The following RXFP2 variants were observed in gnomAD, a reference collection of about 807,000 sequenced individuals.
The protein encoded by RXFP2 is relaxin receptor 2.
RXFP2 carries 68 observed loss-of-function variants against 88.6 expected under a neutral mutation model. The observed-to-expected ratio is 0.77, with a 90% CI of 0.63 to 0.94. RXFP2 has a LOEUF of 0.94. Ranked by LOEUF, RXFP2 falls within the 40% of genes least tolerant of loss-of-function variation. The pLI is 0.00. For synonymous variants in RXFP2, 329 were observed against 306.8 expected, an observed-to-expected ratio of 1.07 and a Z score of -0.76; for missense variants, 791 against 893.9, an observed-to-expected ratio of 0.88 and a Z score of 1.47.
intron 11 of RXFP2, 59 bp from the exon 12 acceptor site, chr13:31,786,324 T>C: frequency 8.8e-7 from 1 of 1,130,444 alleles, no homozygotes; most frequent in Non-Finnish European, 1.4e-6. Flanking sequence ...TTGTGAGGAG[T>C]AATAAGTCTG....
intron 16 of RXFP2, among the ~76,000 whole-genome samples, chr13:31,793,784 T>C (rs1314859792): frequency 6.6e-6 from 1 of 152,232 alleles, no homozygotes; most frequent in African/African-American, 2.4e-5. Flanking sequence ...TGACTCTCTC[T>C]TCTAATCTTT....
rs547411056 is a variant in RXFP2 at position 31,747,244 on chromosome 13, C to T, written c.94+7538C>T. ...GACCCGATTCTCAAAATTATATGGG[C>T]CACCTTACCCCATCCTACATAGATT... On this transcript the variant is annotated intron_variant, in intron 1 of 17. Coordinates refer to ENST00000298386, the MANE Select transcript of RXFP2 (RefSeq NM_130806.5). Among the ~76,000 whole-genome samples the T allele has an allele frequency of 2.6e-5, 4 of 152,144 alleles. No individual in the cohort carries two copies. In the Middle Eastern group the frequency reaches 0.014, roughly 517 times the overall value.
intron 1 of RXFP2, among the ~76,000 whole-genome samples, chr13:31,748,550 A>G (rs1871521911): frequency 6.6e-6 from 1 of 152,130 alleles, no homozygotes; most frequent in Admixed American, 6.5e-5. Context: ...TACCTATTCA[A>G]GTCTCTTGCC....
At chr13:31,794,368 C>CCACACACACACA (rs56077729) in intron 16 of RXFP2, among the ~76,000 whole-genome samples, 1 of 145,890 alleles carries the variant, frequency 6.9e-6, no homozygotes, top group African/African-American at 2.6e-5. Flanking sequence ...GAAACACACA[C>CCACACACACACA]CACACACACA....
chr13:31,790,904 G>C (rs1669181231), intron 14 of RXFP2, among the ~76,000 whole-genome samples: 1 of 152,180 alleles, frequency 6.6e-6, no homozygotes, highest in African/African-American at 2.4e-5. Context: ...TTGTCTGAGG[G>C]TGTGTGTCTG....
chr13:31,776,644 T>C lies in RXFP2; in HGVS notation c.642-732T>C, dbSNP rs751790000. Reference sequence around the variant, plus strand: ...TCCAAGAAGGATGTTATGAGGATTATATCACATAACAGTTAAACAGTTCCA... The same window carrying C: ...TCCAAGAAGGATGTTATGAGGATTACATCACATAACAGTTAAACAGTTCCA... On this transcript the variant is annotated intron_variant, in intron 7 of 17. Coordinates refer to ENST00000298386, the MANE Select transcript of RXFP2 (RefSeq NM_130806.5). 1.4e-4 allele frequency among the ~76,000 whole-genome samples: 22 copies of C among 152,170 alleles called. 1 individual carries two copies. Among genetic ancestry groups the C allele is most frequent in the Non-Finnish European group, 1.9e-4 (13 of 68,036 alleles).
intron 14 of RXFP2, among the ~76,000 whole-genome samples, chr13:31,789,984 G>A (rs1873722021): frequency 6.6e-6 from 1 of 151,980 alleles, no homozygotes; most frequent in African/African-American, 2.4e-5. Flanking sequence ...GTTTAATGAG[G>A]GTATCATTTC....
chr13:31,765,847 T>G, intron 4 of RXFP2, 109 bp from the exon 5 acceptor site: 1 of 678,326 alleles, frequency 1.5e-6, no homozygotes, highest in African/African-American at 1.8e-5. Flanking sequence ...AAATATGGAT[T>G]AGTATAATGA....
intron 3 of RXFP2, among the ~76,000 whole-genome samples, chr13:31,763,841 A>G (rs1872417662): frequency 6.6e-6 from 1 of 152,166 alleles, no homozygotes; most frequent in South Asian, 2.1e-4. Context: ...GGTTATGTCA[A>G]TAAACATTGA....
intron 7 of RXFP2, among the ~76,000 whole-genome samples, chr13:31,777,115 G>A (rs946069288): frequency 6.6e-6 from 1 of 152,054 alleles, no homozygotes; most frequent in African/African-American, 2.4e-5. Context: ...ATACAACCTG[G>A]GTCTTTAAGT....
At chr13:31,760,799 T>C (rs1005931270) in intron 2 of RXFP2, among the ~76,000 whole-genome samples, 1 of 152,210 alleles carries the variant, frequency 6.6e-6, no homozygotes, top group Non-Finnish European at 1.5e-5. Context: ...TTATAACATA[T>C]AGTGAAATAA....
At chr13:31,802,124 C>A in intron 17 of RXFP2, 22 bp from the exon 18 acceptor site, 1 of 1,610,568 alleles carries the variant, frequency 6.2e-7, no homozygotes, top group South Asian at 1.1e-5. Flanking sequence ...ACTTTTTTTT[C>A]ACACTTTGCT....
chr13:31,785,075 A>G (rs1409263784), intron 11 of RXFP2, among the ~76,000 whole-genome samples: 1 of 152,122 alleles, frequency 6.6e-6, no homozygotes, highest in African/African-American at 2.4e-5. Flanking sequence ...CAGTTCTCAA[A>G]CATTAATGGG....
chr13:31,758,328 T>C lies in RXFP2; in HGVS notation c.165T>C (p.Leu55=), dbSNP rs540462407. 1 of 1,614,166 alleles carries C rather than the reference T, an allele frequency of 6.2e-7. No homozygotes were observed. Among genetic ancestry groups the C allele is most frequent in the Admixed American group, 1.7e-5 (1 of 60,026 alleles). The stretch of plus-strand genomic sequence containing the variant: ...AAGGATATTTTCCCTGTGGGAATCT[T>C]ACCAAGTGCTTACCCCGAGCTTTTC... ...CQKGYFPCGN[L]TKCLPRAFHC... is the part of the protein sequence containing the mutation. Residue 55 remains leucine (L), a synonymous_variant, in exon 2 of 18, where the codon CTT becomes CTC. Coordinates refer to ENST00000298386, the MANE Select transcript of RXFP2 (RefSeq NM_130806.5).
chr13:31,797,827 T>C (rs1874129942), intron 17 of RXFP2, among the ~76,000 whole-genome samples: 1 of 152,168 alleles, frequency 6.6e-6, no homozygotes, highest in Non-Finnish European at 1.5e-5. Context: ...GAACCACCAT[T>C]CTATTCCATG....
chr13:31,758,385 G>C lies in RXFP2; in HGVS notation c.222G>C (p.Gly74=). ...HCDGKDDCGN[G]ADEENCGDTS... Reference sequence around the variant, plus strand: ...ATGGCAAGGATGACTGTGGGAACGGGGCGGACGAAGAGAACTGTGGTGAGT... The same window carrying C: ...ATGGCAAGGATGACTGTGGGAACGGCGCGGACGAAGAGAACTGTGGTGAGT... Residue 74 remains glycine, a synonymous_variant, in exon 2 of 18, where the codon GGG becomes GGC. Coordinates refer to ENST00000298386, the MANE Select transcript of RXFP2 (RefSeq NM_130806.5). 4 of 1,614,112 alleles carry C rather than the reference G, an allele frequency of 2.5e-6. No homozygotes were observed. Among genetic ancestry groups the C allele is most frequent in the Non-Finnish European group, 3.4e-6 (4 of 1,179,996 alleles).
chr13:31,781,087 G>C (rs995075267), intron 9 of RXFP2, among the ~76,000 whole-genome samples: 1 of 152,148 alleles, frequency 6.6e-6, no homozygotes, highest in East Asian at 1.9e-4. Flanking sequence ...GGATAACTTT[G>C]GCCTGAGATT....
chr13:31,802,411 A>C lies in RXFP2; in HGVS notation c.*6A>C. The C allele has an allele frequency of 1.9e-6, 3 of 1,613,580 alleles. No individual in the cohort carries two copies. Among genetic ancestry groups the C allele is most frequent in the Non-Finnish European group, 2.5e-6 (3 of 1,179,938 alleles). On this transcript the variant is annotated 3_prime_UTR_variant, in exon 18 of 18. Transcript: ENST00000298386. ...TAATGAAACCAGTTTCCTAGCAATC[A>C]TTTTGGATCACTGGACTTTCAGTGG...
At chr13:31,779,978 A>T (rs907942991) in intron 9 of RXFP2, among the ~76,000 whole-genome samples, 1 of 152,236 alleles carries the variant, frequency 6.6e-6, no homozygotes, top group African/African-American at 2.4e-5. Context: ...GTGAAAAGAA[A>T]ATACTTAGAA....
Sources: gnomAD v4.1 joint callset for allele counts (sites outside exome capture counted in the v4.1 genomes callset) on GRCh38, gnomAD v4.1.1 for gene constraint, MANE v1.5 for transcripts, NCBI Gene and HGNC (gene_info 2026-07-23, HGNC 2026-07-21) for gene names.